Variants in MAN2A1 observed in about 807,000 individuals in gnomAD.
The protein encoded by MAN2A1 is mannosidase alpha class 2A member 1, also known as alpha-mannosidase 2.
In MAN2A1, 76 loss-of-function variants were observed where a neutral mutation model predicts 142.6. The ratio of observed to expected loss-of-function variants is 0.53; its 90% CI spans 0.44 to 0.65. The LOEUF (loss-of-function observed/expected upper bound fraction) is 0.65. MAN2A1 is among the 30% of genes least tolerant of loss of function. The pLI is 0.00. For missense variants in MAN2A1, 1,311 were observed against 1,365.1 expected (o/e 0.96, Z 0.62); for synonymous variants, 559 against 473.2 (o/e 1.18, Z -2.35).
intron 1 of MAN2A1, among the ~76,000 whole-genome samples, chr5:109,691,414 T>TTGTGTAG (rs1398256650): frequency 6.6e-6 from 1 of 152,188 alleles, no homozygotes; most frequent in Non-Finnish European, 1.5e-5. Flanking sequence ...AAACTGGGTA[T>TTGTGTAG]TGTGTAGTGT....
intron 15 of MAN2A1, among the ~76,000 whole-genome samples, chr5:109,823,072 C>T (rs1754669974): frequency 6.6e-6 from 1 of 152,288 alleles, no homozygotes; most frequent in Non-Finnish European, 1.5e-5. Flanking sequence ...AATATAATTA[C>T]TCATAAATGT....
At chr5:109,766,221 T>C (rs750861281) in intron 5 of MAN2A1, among the ~76,000 whole-genome samples, 44 of 152,140 alleles carry the variant, frequency 2.9e-4, no homozygotes, top group Non-Finnish European at 5.1e-4. Flanking sequence ...TAGTTACTTA[T>C]CTTACTGTGA....
At chr5:109,856,708 C>T (rs146158574) in intron 20 of MAN2A1, among the ~76,000 whole-genome samples, 1 of 152,156 alleles carries the variant, frequency 6.6e-6, no homozygotes, top group Non-Finnish European at 1.5e-5. Context: ...AGATAAGGAA[C>T]TTATGCTTGG....
In MAN2A1 at chr5:109,781,613, C is replaced by G; in HGVS notation, c.1577+15C>G. 1 of 1,518,334 alleles carries G rather than the reference C, an allele frequency of 6.6e-7. No individual in the cohort carries two copies. Among genetic ancestry groups the G allele is most frequent in the African/African-American group, 1.4e-5 (1 of 71,568 alleles). 94.1% of individuals were successfully genotyped at this position (1,518,334 alleles called of 1,614,324 possible). Reference sequence around the variant, plus strand: ...TCTCATTTAAGGTACTTTTACCTTTCTATAGCTACATGTATTTTTTCACTT... The same window carrying G: ...TCTCATTTAAGGTACTTTTACCTTTGTATAGCTACATGTATTTTTTCACTT... On this transcript the variant is annotated intron_variant, in intron 9 of 21. Transcript: ENST00000261483.
chr5:109,788,912 T>A (rs1401961226), intron 10 of MAN2A1, 22 bp from the exon 11 acceptor site: 1 of 1,088,462 alleles, frequency 9.2e-7, no homozygotes. Flanking sequence ...TTTCTCAGAC[T>A]AATAAAATTT....
At chr5:109,812,982 A>G (rs967105811) in intron 12 of MAN2A1, among the ~76,000 whole-genome samples, 3 of 152,224 alleles carry the variant, frequency 2.0e-5, no homozygotes, top group African/African-American at 7.2e-5. Context: ...TTTAAAGTGC[A>G]CTTATAAAGA....
At chr5:109,835,177 A>T (rs573522323) in intron 16 of MAN2A1, among the ~76,000 whole-genome samples, 65 of 152,354 alleles carry the variant, frequency 4.3e-4, no homozygotes, top group African/African-American at 1.5e-3. Context: ...AGTGCATAAT[A>T]GCAAAGGTAT....
intron 1 of MAN2A1, among the ~76,000 whole-genome samples, chr5:109,701,737 T>C (rs965543616): frequency 1.3e-5 from 2 of 152,084 alleles, no homozygotes; most frequent in Admixed American, 1.3e-4. Context: ...GTGGAGACAT[T>C]TTGTAAAGAG....
rs1754689224 is a variant in MAN2A1 at position 109,823,770 on chromosome 5, G to C, written c.2499G>C (p.Arg833Ser). ...TPPFVRVTHG[R>S]IYSEVTCFFD... ...CCTTTGTCAGAGTGACACATGGAAG[G>C]ATTTATTCGGAAGTGACTTGCTTTT... Residue 833 changes from arginine to serine, a missense_variant, in exon 16 of 22, where the codon AGG (arginine) becomes AGC (serine). By Grantham distance (110) the Arg-to-Ser change is moderately radical (BLOSUM62 -1). Transcript: ENST00000261483. The C allele has an allele frequency of 6.2e-7, 1 of 1,609,304 alleles. No homozygotes were observed. Among genetic ancestry groups the C allele is most frequent in the Non-Finnish European group, 8.5e-7 (1 of 1,178,050 alleles).
chr5:109,760,747 T>TC, intron 5 of MAN2A1, among the ~76,000 whole-genome samples: 1 of 152,308 alleles, frequency 6.6e-6, no homozygotes, highest in East Asian at 1.9e-4. Context: ...GAGCTTTTTT[T>TC]CACGTTTGTT....
chr5:109,842,896 C>T (rs1755248179), intron 17 of MAN2A1, among the ~76,000 whole-genome samples: 1 of 147,302 alleles, frequency 6.8e-6, no homozygotes, highest in Non-Finnish European at 1.5e-5. Flanking sequence ...GCCTCTTACT[C>T]CCAGGTTCAA....
In MAN2A1 at chr5:109,770,558, T is replaced by C. The variant is rs773509841; in HGVS notation, c.1196+17T>C. Reference sequence around the variant, plus strand: ...CCAAAGCAGGTATGAAAATGCGTATTTCATAAGACAACATCTTGAATAAAG... The same window carrying C: ...CCAAAGCAGGTATGAAAATGCGTATCTCATAAGACAACATCTTGAATAAAG... On this transcript the variant is annotated intron_variant, in intron 7 of 21. Coordinates refer to ENST00000261483, the MANE Select transcript of MAN2A1 (RefSeq NM_002372.4). 1.4e-5 allele frequency: 23 copies of C among 1,608,962 alleles called. No individual in the cohort carries two copies. The highest frequency in any genetic ancestry group is 1.7e-5 in the Admixed American group (1 of 59,524).
chr5:109,819,525 C>T (rs1754564102), intron 13 of MAN2A1, 144 bp from the exon 14 acceptor site: 2 of 477,210 alleles, frequency 4.2e-6, no homozygotes, highest in Non-Finnish European at 7.4e-6. Context: ...AAACTGTGGA[C>T]ATGGAACCTG....
intron 16 of MAN2A1, among the ~76,000 whole-genome samples, chr5:109,833,791 T>C (rs1248094449): frequency 6.6e-6 from 1 of 152,220 alleles, no homozygotes; most frequent in Non-Finnish European, 1.5e-5. Context: ...AGCCACAGAC[T>C]GATCTATCGT....
At position 109,719,660 on chromosome 5, in the gene MAN2A1, G is replaced by A. The variant is rs967917949; in HGVS notation, c.535+3396G>A. Among the ~76,000 whole-genome samples, 5 of 152,078 alleles carry A rather than the reference G, an allele frequency of 3.3e-5. No homozygotes were observed. In the South Asian group the frequency reaches 8.3e-4, roughly 25 times the overall value. On this transcript the variant is annotated intron_variant, in intron 3 of 21. Transcript: ENST00000261483. ...TAGTTTGTTTCATCGGTGGATTTTC[G>A]TCTATTGGGAATAGAAATATTTGAA...
In MAN2A1 at chr5:109,781,433, T is replaced by A. The variant is rs1179185477; in HGVS notation, c.1412T>A (p.Leu471Gln). Residue 471 changes from leucine to glutamine, a missense_variant, in exon 9 of 22, where the codon CTG becomes CAG. By Grantham distance (113) the Leu-to-Gln change is moderately radical. This residue lies in a region of MAN2A1 where 890 missense variants were observed against 920.5 expected (regional missense o/e 0.97). Coordinates refer to ENST00000261483, the MANE Select transcript of MAN2A1 (RefSeq NM_002372.4). ...ACTTTATCAGATTTTTTTGATGCGC[T>A]GGATAAAGCAGATGAAACTCAGAGA... ...FGTLSDFFDA[L>Q]DKADETQRDK... The A allele has an allele frequency of 1.9e-6, 3 of 1,608,718 alleles. No individual in the cohort carries two copies. Among genetic ancestry groups the A allele is most frequent in the Non-Finnish European group, 2.5e-6 (3 of 1,178,652 alleles).
intron 1 of MAN2A1, among the ~76,000 whole-genome samples, chr5:109,697,037 A>G (rs374641972): frequency 6.6e-6 from 1 of 152,318 alleles, no homozygotes; most frequent in South Asian, 2.1e-4. Context: ...TCTGAGAAAA[A>G]CATTAGGGTC....
chr5:109,805,744 G>A (rs193166804), intron 12 of MAN2A1, among the ~76,000 whole-genome samples: 1 of 152,166 alleles, frequency 6.6e-6, no homozygotes, highest in African/African-American at 2.4e-5. Context: ...TTAACATTTG[G>A]TTTTCTTGTC....
intron 16 of MAN2A1, chr5:109,840,551 A>G (rs1755174815): frequency 1.8e-5 from 9 of 508,264 alleles, no homozygotes; most frequent in Non-Finnish European, 2.7e-5. Flanking sequence ...AGAGCCTCCA[A>G]TAAGGCTGTC....
Sources: gnomAD v4.1 joint callset for allele counts (sites outside exome capture counted in the v4.1 genomes callset) on GRCh38, gnomAD v4.1.1 for gene constraint, gnomAD v4.1.1 regional missense constraint, MANE v1.5 for transcripts, NCBI Gene and HGNC (gene_info 2026-07-23, HGNC 2026-07-21) for gene names.